SLC30A8: variants seen among roughly 807,000 people sequenced by gnomAD.
SLC30A8 encodes proton-coupled zinc antiporter SLC30A8.
Under a neutral mutation model 36.9 loss-of-function variants are expected in SLC30A8, and 27 were observed. The ratio of observed to expected loss-of-function variants is 0.73; its 90% CI spans 0.54 to 1.01. The LOEUF is 1.01. SLC30A8 is among the 50% of genes least tolerant of loss of function. SLC30A8 has a pLI of 0.00. For synonymous variants in SLC30A8, 164 were observed against 172.4 expected (o/e 0.95, Z 0.38); for missense variants, 439 against 452.0 (o/e 0.97, Z 0.26).
At chr8:117,003,251 A>G (rs1449093587) in intron 1 of SLC30A8, among the ~76,000 whole-genome samples, 4 of 152,176 alleles carry the variant, frequency 2.6e-5, no homozygotes, top group East Asian at 1.9e-4. Flanking sequence ...TGGTTAATCA[A>G]GAAACAAAAT....
chr8:116,953,605 C>T (rs963039956), intron 1 of SLC30A8, among the ~76,000 whole-genome samples: 5 of 152,146 alleles, frequency 3.3e-5, no homozygotes, highest in African/African-American at 1.2e-4. Flanking sequence ...TCCTGTATTA[C>T]CTGGAACTTG....
intron 1 of SLC30A8, among the ~76,000 whole-genome samples, chr8:117,018,543 CTG>C (rs1398299180): frequency 6.6e-6 from 1 of 152,040 alleles, no homozygotes; most frequent in Non-Finnish European, 1.5e-5. Context: ...GATAGCACTG[CTG>C]TGTTGGATAG....
chr8:116,979,238 C>CAAAA (rs67998633), intron 1 of SLC30A8, among the ~76,000 whole-genome samples: 7 of 64,300 alleles, frequency 1.1e-4, no homozygotes, highest in Admixed American at 2.5e-4. Flanking sequence ...GACCCTGTCT[C>CAAAA]AAAAAAAAAA....
At chr8:116,999,657 T>C (rs1015851246) in intron 1 of SLC30A8, among the ~76,000 whole-genome samples, 1 of 152,238 alleles carries the variant, frequency 6.6e-6, no homozygotes, top group African/African-American at 2.4e-5. Flanking sequence ...ACACAGACTT[T>C]ACTTATTTAT....
At chr8:117,014,798 G>T (rs774412359) in intron 1 of SLC30A8, among the ~76,000 whole-genome samples, 2 of 152,042 alleles carry the variant, frequency 1.3e-5, no homozygotes, top group African/African-American at 4.8e-5. Context: ...CCCTTCCTCA[G>T]TTCCCTGCTA....
chr8:116,987,244 AC>A (rs1815474515), intron 1 of SLC30A8, among the ~76,000 whole-genome samples: 1 of 142,334 alleles, frequency 7.0e-6, no homozygotes, highest in African/African-American at 2.6e-5. Context: ...TCTAGAGATA[AC>A]ATGGACACAG....
At chr8:117,074,672 C>T (rs1214832847) in intron 2 of SLC30A8, among the ~76,000 whole-genome samples, 1 of 152,150 alleles carries the variant, frequency 6.6e-6, no homozygotes, top group Non-Finnish European at 1.5e-5. Context: ...CACATCAGTT[C>T]AGTATGTCTT....
chr8:117,135,562 A>C (rs1046934267), intron 1 of SLC30A8, among the ~76,000 whole-genome samples, 164 bp downstream of exon 1: 22 of 151,990 alleles, frequency 1.4e-4, no homozygotes, highest in Admixed American at 1.4e-3. Flanking sequence ...TGAAAAATGC[A>C]ATACTTTATA....
intron 2 of SLC30A8, among the ~76,000 whole-genome samples, chr8:117,050,605 A>G (rs989625126): frequency 1.3e-5 from 2 of 152,016 alleles, no homozygotes; most frequent in African/African-American, 4.8e-5. Flanking sequence ...GGGTTTCACC[A>G]TGTTGACCAG....
intron 1 of SLC30A8, among the ~76,000 whole-genome samples, chr8:117,016,521 C>T (rs1310453309): frequency 6.6e-6 from 1 of 152,184 alleles, no homozygotes; most frequent in South Asian, 2.1e-4. Context: ...CTCATTTCTC[C>T]TGTTGAAATG....
Position 117,150,212 on chromosome 8 carries a change from ATAAT to A in SLC30A8, c.272-2728_272-2725del, listed in dbSNP as rs550912028. Among the ~76,000 whole-genome samples, 19 of 152,340 alleles carry A rather than the reference ATAAT, an allele frequency of 1.2e-4. No individual in the cohort carries two copies. In the South Asian group the frequency reaches 2.9e-3, roughly 23 times the overall value. Reference sequence around the variant, plus strand: ...GGTATAGTATAATAGTATTCACAAAATAATTAAAGAAGAATTTAAAAATATGTTA... The same window carrying A: ...GGTATAGTATAATAGTATTCACAAAATAAAGAAGAATTTAAAAATATGTTA... On this transcript the variant is annotated intron_variant, in intron 2 of 7. Transcript: ENST00000456015.
chr8:117,133,203 G>A (rs1821206643), upstream of SLC30A8, among the ~76,000 whole-genome samples: 1 of 151,924 alleles, frequency 6.6e-6, no homozygotes, highest in Non-Finnish European at 1.5e-5. Context: ...AGAGATCATA[G>A]GATACATTTT....
chr8:117,025,919 C>A (rs1816857874), intron 1 of SLC30A8, among the ~76,000 whole-genome samples: 1 of 152,214 alleles, frequency 6.6e-6, no homozygotes, highest in Non-Finnish European at 1.5e-5. Context: ...ACCAGGCTAT[C>A]TGCAGCCTCA....
intron 2 of SLC30A8, among the ~76,000 whole-genome samples, chr8:117,074,917 A>G (rs570322549): frequency 3.3e-5 from 5 of 152,286 alleles, no homozygotes; most frequent in South Asian, 4.1e-4. Flanking sequence ...TCATTGTGGG[A>G]GAAACAAACG....
intron 1 of SLC30A8, among the ~76,000 whole-genome samples, chr8:117,140,403 A>G (rs751800421): frequency 6.6e-6 from 1 of 152,094 alleles, no homozygotes; most frequent in Non-Finnish European, 1.5e-5. Context: ...ATGGTCAACA[A>G]ACTCTAAGAA....
chr8:117,149,464 A>G (rs1287566474), intron 2 of SLC30A8, among the ~76,000 whole-genome samples: 1 of 152,184 alleles, frequency 6.6e-6, no homozygotes, highest in Non-Finnish European at 1.5e-5. Context: ...ATCTCACTTT[A>G]TAGAAGGAAC....
intron 1 of SLC30A8, among the ~76,000 whole-genome samples, chr8:117,033,118 C>G (rs555505179): frequency 7.2e-4 from 110 of 152,294 alleles, no homozygotes; most frequent in South Asian, 3.5e-3. Flanking sequence ...TTGGCATGAC[C>G]ATGGGACACA....
At chr8:117,119,809 A>G (rs1174561546) in intron 2 of SLC30A8, among the ~76,000 whole-genome samples, 2 of 151,966 alleles carry the variant, frequency 1.3e-5, no homozygotes, top group Non-Finnish European at 2.9e-5. Context: ...ACATATAAAA[A>G]TCAGTTGTGT....
chr8:117,000,015 T>G (rs1003027475), intron 1 of SLC30A8, among the ~76,000 whole-genome samples: 10 of 152,176 alleles, frequency 6.6e-5, no homozygotes, highest in African/African-American at 2.2e-4. Flanking sequence ...AGATCCTTAG[T>G]GGAAAATCTG....
Sources: gnomAD v4.1 joint callset for allele counts (sites outside exome capture counted in the v4.1 genomes callset) on GRCh38, gnomAD v4.1.1 for gene constraint, MANE v1.5 for transcripts, NCBI Gene and HGNC (gene_info 2026-07-23, HGNC 2026-07-21) for gene names.